Variants in ZNF680 observed in about 807,000 individuals in gnomAD.
ZNF680 encodes hypothetical protein FLJ90430.
Under a neutral mutation model 12.1 loss-of-function variants are expected in ZNF680, and 6 were observed. The observed-to-expected ratio is 0.49, with a 90% CI of 0.27 to 0.98. The LOEUF (loss-of-function observed/expected upper bound fraction) is 0.98. ZNF680 is among the 50% of genes least tolerant of loss of function. ZNF680 has a pLI of 0.12. For synonymous variants in ZNF680, 170 were observed against 199.3 expected, an observed-to-expected ratio of 0.85 and a Z score of 1.24; for missense variants, 561 against 616.3, an observed-to-expected ratio of 0.91 and a Z score of 0.95.
chr7:64,506,287 C>T, the ZNF680 span, among the ~76,000 whole-genome samples: 20 of 151,798 alleles, frequency 1.3e-4, 1 homozygote, highest in African/African-American at 4.1e-4. Flanking sequence ...CTGCAAGCTC[C>T]GCCTCCCGGG....
chr7:64,517,824 G>A (rs1791385324), downstream of ZNF680, among the ~76,000 whole-genome samples: 3 of 151,858 alleles, frequency 2.0e-5, no homozygotes, highest in African/African-American at 7.3e-5. Flanking sequence ...CCAATAAACA[G>A]AATTATGAAC....
intron 3 of ZNF680, among the ~76,000 whole-genome samples, chr7:64,539,963 C>T (rs993448528): frequency 1.3e-5 from 2 of 152,084 alleles, no homozygotes; most frequent in African/African-American, 4.8e-5. Flanking sequence ...GAAATGTACA[C>T]TTCAATGAAT....
At chr7:64,551,346 C>T (rs1475149414) in intron 1 of ZNF680, among the ~76,000 whole-genome samples, 1 of 152,120 alleles carries the variant, frequency 6.6e-6, no homozygotes, top group Non-Finnish European at 1.5e-5. Context: ...CGTTGGACTA[C>T]AGCACTTCTG....
intron 1 of ZNF680, among the ~76,000 whole-genome samples, chr7:64,553,743 G>A (rs1462806325): frequency 1.3e-5 from 2 of 152,140 alleles, no homozygotes; most frequent in Non-Finnish European, 2.9e-5. Flanking sequence ...GCGCCGCCAC[G>A]CCAGACTGGT....
the ZNF680 span, among the ~76,000 whole-genome samples, chr7:64,514,470 G>T: frequency 6.6e-6 from 1 of 151,928 alleles, no homozygotes; most frequent in Admixed American, 6.6e-5. Context: ...TTCAAAAAAT[G>T]GTTTACAATT....
At chr7:64,526,367 T>A in intron 3 of ZNF680, 1 of 1,317,402 alleles carries the variant, frequency 7.6e-7, no homozygotes, top group Admixed American at 3.8e-5. Context: ...GTGTTATGAT[T>A]CATTATGACT....
chr7:64,502,003 T>C, the ZNF680 span, among the ~76,000 whole-genome samples: 5 of 102,224 alleles, frequency 4.9e-5, no homozygotes, highest in Admixed American at 9.9e-5. Context: ...ATTTCTTTTT[T>C]TTTTTTTTTT....
chr7:64,522,530 C>T (rs1273259634), intron 3 of ZNF680, 30 bp from the exon 4 acceptor site: 2 of 1,387,772 alleles, frequency 1.4e-6, no homozygotes, highest in African/African-American at 2.9e-5. Context: ...CAAATTACAC[C>T]ACTTCCTAGA....
downstream of ZNF680, among the ~76,000 whole-genome samples, chr7:64,519,057 C>T: frequency 6.6e-6 from 1 of 151,830 alleles, no homozygotes; most frequent in Non-Finnish European, 1.5e-5. Context: ...ACAGACAACC[C>T]ACAGAGTGAG....
rs768266590 is a variant in ZNF680, at chr7:64,562,945, G to C, written c.10C>G (p.Pro4Ala). 1.2e-6 allele frequency: 2 copies of C among 1,613,826 alleles called. No individual in the cohort carries two copies. Among genetic ancestry groups the C allele is most frequent in the South Asian group, 1.1e-5 (1 of 91,076 alleles). The change falls in exon 1 of 4, where the codon CCA becomes GCA. Residue 4 changes from proline (P) to alanine (A), a missense_variant. Transcript: ENST00000309683. MPG[P>A]PGSLEMGPLT... ...CTCACCATTTCTAGGCTTCCAGGTG[G>C]TCCTGGCATCTTAGCTGTGCATCTC...
chr7:64,542,184 C>T (rs923978666), intron 3 of ZNF680, among the ~76,000 whole-genome samples: 11 of 152,176 alleles, frequency 7.2e-5, no homozygotes, highest in African/African-American at 1.7e-4. Context: ...AGCTACGCCC[C>T]TCTCCACTAC....
chr7:64,514,817 A>G, the ZNF680 span, among the ~76,000 whole-genome samples: 14 of 152,154 alleles, frequency 9.2e-5, no homozygotes, highest in African/African-American at 3.1e-4. Flanking sequence ...GCCATGGCAG[A>G]TGGATCACCT....
At chr7:64,509,007 G>A in the ZNF680 span, among the ~76,000 whole-genome samples, 1 of 152,070 alleles carries the variant, frequency 6.6e-6, no homozygotes, top group Admixed American at 6.6e-5. Context: ...GCACTGTATA[G>A]GGGAAGGTCA....
chr7:64,553,411 C>G (rs1787190849), intron 1 of ZNF680, among the ~76,000 whole-genome samples: 1 of 151,254 alleles, frequency 6.6e-6, no homozygotes, highest in Non-Finnish European at 1.5e-5. Context: ...GAGAATAGAG[C>G]CTCTTATTTT....
At chr7:64,518,191 A>G (rs1791392741), downstream of ZNF680, among the ~76,000 whole-genome samples, 1 of 152,064 alleles carries the variant, frequency 6.6e-6, no homozygotes, top group Non-Finnish European at 1.5e-5. Context: ...GACTCCTCCA[A>G]AAATCTCCCA....
intron 1 of ZNF680, among the ~76,000 whole-genome samples, chr7:64,562,362 C>G (rs1328211760): frequency 6.6e-6 from 1 of 152,110 alleles, no homozygotes; most frequent in Non-Finnish European, 1.5e-5. Context: ...CAGAAAATTT[C>G]CACTTTGATC....
chr7:64,526,208 T>C, intron 3 of ZNF680: 1 of 1,003,610 alleles, frequency 1.0e-6, no homozygotes, highest in Non-Finnish European at 1.2e-6. Context: ...AGGGAAAAAG[T>C]AATGTAGAGG....
intron 3 of ZNF680, among the ~76,000 whole-genome samples, chr7:64,532,940 C>G (rs56799822): frequency 0.23 from 34,306 of 152,030 alleles, 4,052 homozygotes; most frequent in South Asian, 0.28. Flanking sequence ...TCAATAGATG[C>G]AGAAAAAGCA....
chr7:64,539,002 GTGCCTGT>G, intron 3 of ZNF680, among the ~76,000 whole-genome samples: 1 of 151,580 alleles, frequency 6.6e-6, no homozygotes, highest in Non-Finnish European at 1.5e-5. Context: ...GTGGTGGTGG[GTGCCTGT>G]AATCCCAGCT....
Sources: allele counts gnomAD v4.1 joint callset (sites outside exome capture counted in the v4.1 genomes callset), GRCh38; gene constraint gnomAD v4.1.1; transcripts MANE v1.5; gene names NCBI Gene and HGNC (gene_info 2026-07-23, HGNC 2026-07-21).